Variants in TSPAN13 observed in about 807,000 individuals in gnomAD.
The protein encoded by TSPAN13 is tetraspanin 13.
A neutral mutation model predicts 26.9 loss-of-function variants in TSPAN13; 18 were observed. The ratio of observed to expected loss-of-function variants is 0.67; its 90% confidence interval spans 0.46 to 0.99. The LOEUF (loss-of-function observed/expected upper bound fraction) is 0.99, where lower values mean the gene tolerates loss of function less well. Among genes scored for constraint, TSPAN13 ranks in the 50% least tolerant of loss-of-function variants. The probability of loss-of-function intolerance (pLI) is 0.00; values close to 1 mark genes in which losing one functional copy is unlikely to be tolerated. For synonymous variants in TSPAN13, 116 were observed against 98.4 expected, an observed-to-expected ratio of 1.18 and a Z score of -1.06; for missense variants, 201 against 249.6, an observed-to-expected ratio of 0.81 and a Z score of 1.31.
At chr7:16,780,051 A>G (rs1784798303) in intron 5 of TSPAN13, among the ~76,000 whole-genome samples, 2 of 152,012 alleles carry the variant, frequency 1.3e-5, no homozygotes, top group African/African-American at 2.4e-5. Flanking sequence ...GATTACAGGC[A>G]TGAGCCACCG....
intron 1 of TSPAN13, among the ~76,000 whole-genome samples, chr7:16,768,008 G>T (rs1784626900): frequency 6.6e-6 from 1 of 152,154 alleles, no homozygotes; most frequent in Non-Finnish European, 1.5e-5. Flanking sequence ...CTCCTCCCAG[G>T]TTCAAGCGAT....
At chr7:16,777,300 A>G (rs989448766) in intron 3 of TSPAN13, among the ~76,000 whole-genome samples, 178 bp downstream of exon 3, 2 of 152,206 alleles carry the variant, frequency 1.3e-5, no homozygotes, top group Admixed American at 1.3e-4. Flanking sequence ...GCCGGACACC[A>G]TCAGGTGTTG....
intron 1 of TSPAN13, among the ~76,000 whole-genome samples, chr7:16,764,602 A>G (rs1458423505): frequency 6.6e-6 from 1 of 152,124 alleles, no homozygotes; most frequent in Non-Finnish European, 1.5e-5. Context: ...TAACTAATGG[A>G]AAGGTCATAT....
rs1471016373 is a variant in TSPAN13, at chr7:16,776,279, AGTGG to A, written c.133_136del (p.Val45SerfsTer13). On this transcript the variant is annotated frameshift_variant, in exon 2 of 6. Coordinates refer to ENST00000262067, the MANE Select transcript of TSPAN13 (RefSeq NM_014399.4). LOFTEE classifies it high-confidence loss of function. ...GCTTCGGGCTGATTTCCAGTCTCCG[AGTGG>A]TCGGCGTGGTCATTGCAGTGGGCAT... is the stretch of plus-strand genomic sequence containing the variant. 6.2e-7 allele frequency: 1 copy of A among 1,613,798 alleles called. No individual in the cohort carries two copies.
intron 3 of TSPAN13, 149 bp from the exon 4 acceptor site, chr7:16,777,649 T>C (rs533567384): frequency 6.0e-4 from 297 of 491,582 alleles, no homozygotes; most frequent in Non-Finnish European, 9.0e-4. Flanking sequence ...TAATTTTTGC[T>C]GCAAACTGAG....
chr7:16,779,606 G>A (rs950470742), intron 5 of TSPAN13, among the ~76,000 whole-genome samples: 66 of 151,520 alleles, frequency 4.4e-4, no homozygotes, highest in African/African-American at 1.5e-3. Context: ...GTCTATATGT[G>A]TATAATGTAT....
At chr7:16,756,177 A>G (rs779556256) in intron 1 of TSPAN13, among the ~76,000 whole-genome samples, 28 of 152,114 alleles carry the variant, frequency 1.8e-4, no homozygotes, top group Non-Finnish European at 5.9e-5. Context: ...TTTAGCTTCT[A>G]TTTCTCCCCT....
chr7:16,779,245 G>T (rs890348579), intron 5 of TSPAN13, 129 bp downstream of exon 5: 8 of 640,728 alleles, frequency 1.2e-5, no homozygotes, highest in East Asian at 8.9e-5. Context: ...GAGGAAACTT[G>T]GTTTAGAATC....
Position 16,753,995 on chromosome 7 carries a change from A to C in TSPAN13, c.28A>C (p.Lys10Gln). The C allele has an allele frequency of 6.2e-7, 1 of 1,613,752 alleles. No individual in the cohort carries two copies. Among genetic ancestry groups the C allele is most frequent in the Non-Finnish European group, 8.5e-7 (1 of 1,179,830 alleles). The change falls in exon 1 of 6, where the codon AAG (lysine) becomes CAG (glutamine). Residue 10 changes from lysine to glutamine, a missense_variant. Physicochemically the swap from Lys to Gln is moderately conservative, Grantham distance 53 (BLOSUM62 1). Transcript: ENST00000262067. The part of the protein sequence containing the change: MVCGGFACS[K>Q]NCLCALNLLY... ...GGTTTGCGGGGGCTTCGCGTGTTCC[A>C]AGAACTGCCTGTGCGCCCTCAACCT...
At position 16,783,637 on chromosome 7, in the gene TSPAN13, T is replaced by C. The variant is rs1158350910; in HGVS notation, c.*146T>C. On this transcript the variant is annotated 3_prime_UTR_variant, in exon 6 of 6. Coordinates refer to ENST00000262067, the MANE Select transcript of TSPAN13 (RefSeq NM_014399.4). The stretch of plus-strand genomic sequence containing the variant: ...AGTGGAATTATATATTTTTACTCTA[T>C]GTTTCTCTACATGTTTTTTTCTTTC... 2 of 746,430 alleles carry C rather than the reference T, an allele frequency of 2.7e-6. No individual in the cohort carries two copies. The highest frequency in any genetic ancestry group is 1.7e-5 in the African/African-American group (1 of 57,338). 46.2% of individuals were successfully genotyped at this position (746,430 alleles called of 1,614,324 possible).
rs192484742 is a variant in TSPAN13 at position 16,768,338 on chromosome 7, G to A, written c.64-7873G>A. Among the ~76,000 whole-genome samples the A allele has an allele frequency of 3.0e-4, 46 of 152,262 alleles. No individual in the cohort carries two copies. The Middle Eastern group carries it at 0.01, about 34-fold the overall frequency. Reference sequence around the variant, plus strand: ...AAATTTGTAACAGGTTGGATGGTACGGCAGGTAAAAACACAGATCTACAGC... The same window carrying A: ...AAATTTGTAACAGGTTGGATGGTACAGCAGGTAAAAACACAGATCTACAGC... On this transcript the variant is annotated intron_variant, in intron 1 of 5. Transcript: ENST00000262067.
chr7:16,767,843 C>A (rs954717137), intron 1 of TSPAN13, among the ~76,000 whole-genome samples: 1 of 152,142 alleles, frequency 6.6e-6, no homozygotes, highest in African/African-American at 2.4e-5. Flanking sequence ...TTGACTCTTA[C>A]TACCTTTCAC....
intron 1 of TSPAN13, among the ~76,000 whole-genome samples, chr7:16,760,164 G>C (rs1049237867): frequency 1.4e-4 from 21 of 152,148 alleles, no homozygotes; most frequent in Non-Finnish European, 1.6e-4. Flanking sequence ...GTGTGTTTAG[G>C]TTTGAGGACT....
chr7:16,760,097 C>G (rs1784525930), intron 1 of TSPAN13, among the ~76,000 whole-genome samples: 1 of 151,954 alleles, frequency 6.6e-6, no homozygotes. Context: ...AGGGGTGGAC[C>G]CAGGAGAGCA....
At chr7:16,761,427 C>A (rs375104164) in intron 1 of TSPAN13, among the ~76,000 whole-genome samples, 27 of 152,292 alleles carry the variant, frequency 1.8e-4, no homozygotes, top group African/African-American at 6.3e-4. Context: ...TTCAGTTTTC[C>A]ACATTAAGCA....
intron 1 of TSPAN13, among the ~76,000 whole-genome samples, chr7:16,758,621 C>G (rs1259622399): frequency 6.6e-6 from 1 of 152,076 alleles, no homozygotes; most frequent in Non-Finnish European, 1.5e-5. Flanking sequence ...CTGCAATGAT[C>G]AAGGTTAAGT....
chr7:16,755,586 C>T (rs111606545), intron 1 of TSPAN13, among the ~76,000 whole-genome samples: 1 of 143,370 alleles, frequency 7.0e-6, no homozygotes, highest in Non-Finnish European at 1.5e-5. Flanking sequence ...CTGCTTGGAA[C>T]TTTAAATTCC....
intron 1 of TSPAN13, among the ~76,000 whole-genome samples, chr7:16,758,975 A>G (rs888517552): frequency 2.6e-5 from 4 of 152,224 alleles, no homozygotes; most frequent in Non-Finnish European, 1.5e-5. Context: ...CAAAATCCCA[A>G]TGGCTTGCCT....
chr7:16,777,829 C>G lies in TSPAN13; in HGVS notation c.344C>G (p.Thr115Arg). Residue 115 changes from threonine to arginine, a missense_variant, in exon 4 of 6, where the codon ACG becomes AGG. Transcript: ENST00000262067. Reference protein sequence around the residue: ...GQLLEVGWNNTASARNDIQRN... With the variant: ...GQLLEVGWNNRASARNDIQRN... ...CTTCTGGAGGTTGGTTGGAACAATA[C>G]GGCAAGTGCTCGAAATGACATCCAG... 6.2e-7 allele frequency: 1 copy of G among 1,613,798 alleles called. No individual in the cohort carries two copies. Among genetic ancestry groups the G allele is most frequent in the Non-Finnish European group, 8.5e-7 (1 of 1,179,820 alleles).
Sources: allele counts gnomAD v4.1 joint callset (sites outside exome capture counted in the v4.1 genomes callset), GRCh38; gene constraint gnomAD v4.1.1; transcripts MANE v1.5; gene names NCBI Gene and HGNC (gene_info 2026-07-23, HGNC 2026-07-21).